The following HORMAD2 variants were observed in gnomAD, a reference collection of about 807,000 sequenced individuals.
HORMAD2 encodes HORMA domain containing 2.
HORMAD2 carries 45 observed loss-of-function variants against 38.8 expected under a neutral mutation model. The observed-to-expected ratio is 1.16, with a 90% CI of 0.91 to 1.49. The LOEUF is 1.49. Among genes scored for constraint, HORMAD2 ranks in the 40% most tolerant of loss-of-function variants. The probability of loss-of-function intolerance (pLI) is 0.00; values close to 1 mark genes in which losing one functional copy is unlikely to be tolerated. For synonymous variants in HORMAD2, 126 were observed against 122.8 expected, an observed-to-expected ratio of 1.03 and a Z score of -0.17; for missense variants, 338 against 367.0, an observed-to-expected ratio of 0.92 and a Z score of 0.65.
At chr22:30,101,688 A>G (rs2146088295) in intron 3 of HORMAD2, among the ~76,000 whole-genome samples, 1 of 152,302 alleles carries the variant, frequency 6.6e-6, no homozygotes, top group South Asian at 2.1e-4. Context: ...TTGCCTTGTA[A>G]GATGTTATTT....
chr22:30,088,185 A>ACG (rs754984924), intron 1 of HORMAD2, among the ~76,000 whole-genome samples: 2 of 150,304 alleles, frequency 1.3e-5, no homozygotes. Context: ...ATATATACAT[A>ACG]TATACCTATG....
intron 10 of HORMAD2, among the ~76,000 whole-genome samples, chr22:30,140,391 T>C (rs1240244856): frequency 2.0e-5 from 3 of 152,224 alleles, no homozygotes; most frequent in Non-Finnish European, 4.4e-5. Flanking sequence ...TGGTAGAGTT[T>C]AGTGGTGAAG....
chr22:30,124,256 AACACACACACACACACACAC>A (rs10616156), intron 10 of HORMAD2, among the ~76,000 whole-genome samples: 1 of 146,476 alleles, frequency 6.8e-6, no homozygotes, highest in Non-Finnish European at 1.5e-5. Context: ...GAATACATGG[AACACACACACACACACACAC>A]ACACACACAC....
chr22:30,177,026 G>A lies in HORMAD2; in HGVS notation c.*859G>A, dbSNP rs1926497613. ...TAATTTAAATGGATAGGACCAATAA[G>A]TTAAATATTAAGTGTGTGACTTATG... On this transcript the variant is annotated 3_prime_UTR_variant, in exon 11 of 11. Coordinates refer to ENST00000336726, the MANE Select transcript of HORMAD2 (RefSeq NM_152510.4). The A allele has an allele frequency of 6.6e-6, 1 of 152,382 alleles. No homozygotes were observed. Among genetic ancestry groups the A allele is most frequent in the Admixed American group, 6.6e-5 (1 of 15,258 alleles). 9.4% of individuals were successfully genotyped at this position (152,382 alleles called of 1,614,324 possible).
At chr22:30,148,052 C>A (rs1187645158) in intron 10 of HORMAD2, among the ~76,000 whole-genome samples, 2 of 152,134 alleles carry the variant, frequency 1.3e-5, no homozygotes, top group Admixed American at 1.3e-4. Flanking sequence ...ATGTTCATAG[C>A]AGCTTTATTC....
chr22:30,122,114 A>T lies in HORMAD2; in HGVS notation c.719A>T (p.Lys240Ile). 6.2e-7 allele frequency: 1 copy of T among 1,613,836 alleles called. No homozygotes were observed. Among genetic ancestry groups the T allele is most frequent in the Non-Finnish European group, 8.5e-7 (1 of 1,179,806 alleles). The change falls in exon 10 of 11, where the codon AAA becomes ATA. Residue 240 changes from lysine (K) to isoleucine (I), a missense_variant. Coordinates refer to ENST00000336726, the MANE Select transcript of HORMAD2 (RefSeq NM_152510.4). Reference protein sequence around the residue: ...MKVKVMTEATKVIDLENNLFR... With the variant: ...MKVKVMTEATIVIDLENNLFR... ...GTAAAAGTCATGACAGAGGCTACAA[A>T]AGTGATTGATTTGGAGAACAATCTG... is the stretch of plus-strand genomic sequence containing the variant.
At chr22:30,129,417 T>C (rs1205215175) in intron 10 of HORMAD2, among the ~76,000 whole-genome samples, 1 of 151,924 alleles carries the variant, frequency 6.6e-6, no homozygotes, top group Non-Finnish European at 1.5e-5. Context: ...GAAATAATAT[T>C]AACTAACAAT....
At chr22:30,087,691 T>C (rs530458487) in intron 1 of HORMAD2, among the ~76,000 whole-genome samples, 2 of 151,286 alleles carry the variant, frequency 1.3e-5, no homozygotes, top group East Asian at 1.9e-4. Flanking sequence ...AGGCACATCT[T>C]ACATGGCCAA....
the HORMAD2 span, among the ~76,000 whole-genome samples, chr22:30,202,820 C>T: frequency 4.6e-5 from 7 of 152,272 alleles, no homozygotes; most frequent in African/African-American, 1.7e-4. Context: ...GAACCAGACC[C>T]AGGAGTAGAA....
chr22:30,136,015 A>G (rs982473769), intron 10 of HORMAD2, among the ~76,000 whole-genome samples: 6 of 152,212 alleles, frequency 3.9e-5, no homozygotes, highest in East Asian at 1.9e-4. Context: ...GTAGATAAGG[A>G]CTTTAAAACA....
chr22:30,098,715 C>T (rs1047896033), intron 2 of HORMAD2, 137 bp from the exon 3 acceptor site: 60 of 639,512 alleles, frequency 9.4e-5, no homozygotes, highest in Non-Finnish European at 1.3e-4. Flanking sequence ...ATTCAAAGCG[C>T]TATTTCTTTT....
chr22:30,079,214 T>A (rs1314726852), upstream of HORMAD2, among the ~76,000 whole-genome samples: 1 of 152,122 alleles, frequency 6.6e-6, no homozygotes, highest in Non-Finnish European at 1.5e-5. Flanking sequence ...GGGAGGTTCA[T>A]GGGACTCCAG....
At chr22:30,155,567 A>G (rs1270424303) in intron 10 of HORMAD2, among the ~76,000 whole-genome samples, 1 of 151,958 alleles carries the variant, frequency 6.6e-6, no homozygotes, top group Non-Finnish European at 1.5e-5. Flanking sequence ...CATTTCTTCA[A>G]GGATCCCTGG....
At chr22:30,120,029 A>G (rs1922322862) in intron 8 of HORMAD2, among the ~76,000 whole-genome samples, 1 of 152,234 alleles carries the variant, frequency 6.6e-6, no homozygotes, top group Non-Finnish European at 1.5e-5. Context: ...ACGTTTTCTC[A>G]CATAAAAAGT....
intron 1 of HORMAD2, among the ~76,000 whole-genome samples, chr22:30,087,076 G>A (rs1056957315): frequency 2.0e-5 from 3 of 152,150 alleles, no homozygotes; most frequent in East Asian, 1.9e-4. Context: ...GGTCAGGCTG[G>A]TCTTGAACTC....
At chr22:30,182,839 T>C in the HORMAD2 span, among the ~76,000 whole-genome samples, 67 of 152,360 alleles carry the variant, frequency 4.4e-4, no homozygotes, top group African/African-American at 1.5e-3. Context: ...TATTTTTATT[T>C]ATTTATTTTT....
intron 10 of HORMAD2, among the ~76,000 whole-genome samples, chr22:30,144,759 A>G (rs183224447): frequency 5.8e-4 from 88 of 151,984 alleles, no homozygotes; most frequent in South Asian, 4.4e-3. Flanking sequence ...CAGAACTTCC[A>G]TTTCACCAGT....
downstream of HORMAD2, among the ~76,000 whole-genome samples, chr22:30,179,320 A>G (rs536577157): frequency 6.6e-6 from 1 of 152,290 alleles, no homozygotes; most frequent in East Asian, 1.9e-4. Flanking sequence ...TACAAGCGAG[A>G]AAATGCCTAA....
At chr22:30,193,699 G>A in the HORMAD2 span, among the ~76,000 whole-genome samples, 1 of 152,226 alleles carries the variant, frequency 6.6e-6, no homozygotes, top group East Asian at 1.9e-4. Flanking sequence ...GGTCCCCACT[G>A]TGGCTGCCAA....
Sources: gnomAD v4.1 joint callset for allele counts (sites outside exome capture counted in the v4.1 genomes callset) on GRCh38, gnomAD v4.1.1 for gene constraint, MANE v1.5 for transcripts, NCBI Gene and HGNC (gene_info 2026-07-23, HGNC 2026-07-21) for gene names.